BCL2L1: variants seen among roughly 807,000 people sequenced by gnomAD.
BCL2L1 encodes bcl-2-like protein 1.
BCL2L1 carries 1 observed loss-of-function variant against 18.7 expected under a neutral mutation model. The ratio of observed to expected loss-of-function variants is 0.05; its 90% CI spans 0.02 to 0.25. The LOEUF (loss-of-function observed/expected upper bound fraction) is 0.25, where lower values mean the gene tolerates loss of function less well. Among genes scored for constraint, BCL2L1 ranks in the 10% least tolerant of loss-of-function variants. The pLI is 1.00. For synonymous variants in BCL2L1, 103 were observed against 122.7 expected, an observed-to-expected ratio of 0.84 and a Z score of 1.06; for missense variants, 207 against 304.9, an observed-to-expected ratio of 0.68 and a Z score of 2.39.
chr20:31,717,141 CCTATGT>C (rs2061549338), intron 2 of BCL2L1, among the ~76,000 whole-genome samples: 1 of 152,146 alleles, frequency 6.6e-6, no homozygotes, highest in South Asian at 2.1e-4. Flanking sequence ...GGGAATTACC[CCTATGT>C]CTATCCACAT....
intron 2 of BCL2L1, among the ~76,000 whole-genome samples, chr20:31,719,014 G>A (rs1308199351): frequency 6.6e-6 from 1 of 152,172 alleles, no homozygotes; most frequent in Non-Finnish European, 1.5e-5. Context: ...CACTTAACTG[G>A]CTGAGGGACA....
At chr20:31,666,163 C>G in intron 2 of BCL2L1, 77 bp from the exon 3 acceptor site, 20 of 1,534,242 alleles carry the variant, frequency 1.3e-5, no homozygotes, top group Non-Finnish European at 1.7e-5. Flanking sequence ...GGGCCATCTG[C>G]ATGCTATGGC....
intron 2 of BCL2L1, among the ~76,000 whole-genome samples, chr20:31,685,957 C>T (rs1027490491): frequency 2.6e-5 from 4 of 152,082 alleles, no homozygotes; most frequent in African/African-American, 7.2e-5. Context: ...ATTATTATGC[C>T]TCCCTTACAT....
intron 2 of BCL2L1, among the ~76,000 whole-genome samples, chr20:31,692,027 TACA>T (rs1407450923): frequency 6.6e-6 from 1 of 152,254 alleles, no homozygotes; most frequent in Admixed American, 6.5e-5. Flanking sequence ...GTGTAAACCC[TACA>T]ACAATGATTC....
intron 2 of BCL2L1, among the ~76,000 whole-genome samples, chr20:31,689,143 C>T (rs949248345): frequency 4.8e-5 from 7 of 146,214 alleles, no homozygotes; most frequent in African/African-American, 2.6e-5. Context: ...TTTGGGAAGC[C>T]GAGGCAGGAG....
chr20:31,717,787 T>C (rs1191668776), intron 2 of BCL2L1, among the ~76,000 whole-genome samples: 1 of 152,166 alleles, frequency 6.6e-6, no homozygotes, highest in Non-Finnish European at 1.5e-5. Flanking sequence ...CAAGTTATGT[T>C]TTCTCCCCCA....
chr20:31,695,801 T>C (rs921834228), intron 2 of BCL2L1, among the ~76,000 whole-genome samples: 2 of 152,224 alleles, frequency 1.3e-5, no homozygotes, highest in African/African-American at 4.8e-5. Context: ...TTCCCCCATA[T>C]ATCCGCACAG....
At chr20:31,703,233 G>A (rs999654590) in intron 2 of BCL2L1, among the ~76,000 whole-genome samples, 1 of 151,092 alleles carries the variant, frequency 6.6e-6, no homozygotes, top group African/African-American at 2.4e-5. Context: ...TAGTAGAGAT[G>A]GGGTTTTACC....
intron 2 of BCL2L1, among the ~76,000 whole-genome samples, chr20:31,681,636 G>A (rs922082394): frequency 1.3e-5 from 2 of 152,198 alleles, no homozygotes; most frequent in African/African-American, 4.8e-5. Context: ...GCAAGATACT[G>A]TTCTTAATCA....
At chr20:31,696,572 T>A (rs2061174270) in intron 2 of BCL2L1, among the ~76,000 whole-genome samples, 1 of 152,196 alleles carries the variant, frequency 6.6e-6, no homozygotes, top group Non-Finnish European at 1.5e-5. Flanking sequence ...CTCCCAGTCA[T>A]ATGCCCATGC....
chr20:31,718,061 C>G (rs1037287948), intron 2 of BCL2L1, among the ~76,000 whole-genome samples: 4 of 152,206 alleles, frequency 2.6e-5, no homozygotes, highest in Non-Finnish European at 5.9e-5. Flanking sequence ...AGGGTTTCCA[C>G]CCTACAATTA....
rs553737333 is a variant in BCL2L1 at position 31,690,880 on chromosome 20, GGCTCAGGCC to G, written c.565-24803_565-24795del. Among the ~76,000 whole-genome samples the G allele has an allele frequency of 1.1e-3, 169 of 152,150 alleles. 1 individual carries two copies. The highest frequency in any genetic ancestry group is 3.9e-3 in the African/African-American group (161 of 41,528). ...ATTAATACAGTAGGCCAGGCACGGT[GGCTCAGGCC>G]TGTAATCCCAGCACTTTGGGAGGCC... On this transcript the variant is annotated intron_variant, in intron 2 of 2. Transcript: ENST00000307677.
chr20:31,673,472 T>C (rs1357932347), intron 2 of BCL2L1, among the ~76,000 whole-genome samples: 3 of 150,004 alleles, frequency 2.0e-5, no homozygotes, highest in African/African-American at 7.4e-5. Context: ...AGGAGGACCC[T>C]GTCTCTACAA....
At chr20:31,666,147 G>C in intron 2 of BCL2L1, 61 bp from the exon 3 acceptor site, 1 of 1,589,788 alleles carries the variant, frequency 6.3e-7, no homozygotes, top group Non-Finnish European at 8.6e-7. Flanking sequence ...AGGTGGGTGG[G>C]GAAAGGGGCC....
At chr20:31,667,674 T>C (rs2060608577) in intron 2 of BCL2L1, among the ~76,000 whole-genome samples, 1 of 152,002 alleles carries the variant, frequency 6.6e-6, no homozygotes, top group African/African-American at 2.4e-5. Context: ...ATTTGCTCAC[T>C]TGTGACCCCT....
Position 31,665,769 on chromosome 20 carries a change from C to G in BCL2L1, c.*180G>C, listed in dbSNP as rs1035270230. 3 of 794,006 alleles carry G rather than the reference C, an allele frequency of 3.8e-6. No homozygotes were observed. Among genetic ancestry groups the G allele is most frequent in the East Asian group, 2.7e-5 (1 of 36,642 alleles). The allele number at this position is 794,006 out of a possible 1,614,324, so 49.2% of individuals were successfully genotyped here. A position where few individuals can be genotyped will look rare whatever the true frequency, so the allele number is the denominator to read the frequency against. ...AGGGAACTGAGGTGTGGGGGTCTCA[C>G]AGAAGTGTGATAAATTCTAGAAAAC... On this transcript the variant is annotated 3_prime_UTR_variant, in exon 3 of 3. Coordinates refer to ENST00000307677, the MANE Select transcript of BCL2L1 (RefSeq NM_138578.3).
rs2122872218 is a variant in BCL2L1, at chr20:31,721,751, G to C, written c.468C>G (p.Asp156Glu). 1 of 1,614,124 alleles carries C rather than the reference G, an allele frequency of 6.2e-7. No homozygotes were observed. The highest frequency in any genetic ancestry group is 2.2e-5 in the East Asian group (1 of 44,886). ...FGGALCVESV[D>E]KEMQVLVSRI... The stretch of plus-strand genomic sequence containing the variant: ...GACTCACCAATACCTGCATCTCCTT[G>C]TCTACGCTTTCCACGCACAGTGCCC... The change falls in exon 2 of 3, where the codon GAC becomes GAG. Residue 156 changes from aspartate (D) to glutamate (E), a missense_variant. By Grantham distance (45) the Asp-to-Glu change is conservative. Coordinates refer to ENST00000307677, the MANE Select transcript of BCL2L1 (RefSeq NM_138578.3).
chr20:31,714,543 G>A (rs1056690217), intron 2 of BCL2L1, among the ~76,000 whole-genome samples: 1 of 152,200 alleles, frequency 6.6e-6, no homozygotes, highest in Non-Finnish European at 1.5e-5. Context: ...CAGTCTTTAT[G>A]CATCTCAGGT....
chr20:31,676,125 CAA>C (rs2060754958), intron 2 of BCL2L1, among the ~76,000 whole-genome samples: 1 of 152,042 alleles, frequency 6.6e-6, no homozygotes, highest in Non-Finnish European at 1.5e-5. Context: ...GGCTTGGGGG[CAA>C]AGAGAGAGAA....
Sources: gnomAD v4.1 joint callset for allele counts (sites outside exome capture counted in the v4.1 genomes callset) on GRCh38, gnomAD v4.1.1 for gene constraint, MANE v1.5 for transcripts, NCBI Gene and HGNC (gene_info 2026-07-23, HGNC 2026-07-21) for gene names.